GLS2: variants seen among roughly 807,000 people sequenced by gnomAD.
The protein encoded by GLS2 is glutaminase 2.
A neutral mutation model predicts 79.0 loss-of-function variants in GLS2; 52 were observed. The ratio of observed to expected loss-of-function variants is 0.66; its 90% CI spans 0.53 to 0.83. The LOEUF is 0.83. Among genes scored for constraint, GLS2 ranks in the 40% least tolerant of loss-of-function variants. GLS2 has a pLI of 0.00. For missense variants in GLS2, 561 were observed against 764.8 expected (o/e 0.73, Z 3.14); for synonymous variants, 238 against 280.8 (o/e 0.85, Z 1.52).
At position 56,488,027 on chromosome 12, in the gene GLS2, A is replaced by T; in HGVS notation, c.92T>A (p.Leu31His). ...GTGGTGCCGGACGCCCCCGCCAAGGAGGGGGCTCCGGCTCGGGTGACCCCA... is the reference window on the plus strand; with the variant it reads ...GTGGTGCCGGACGCCCCCGCCAAGGTGGGGGCTCCGGCTCGGGTGACCCCA... ...GGWGHPSRSP[L>H]LGGGVRHHLS... is the part of the protein sequence containing the mutation. The change falls in exon 1 of 18, where the codon CTC becomes CAC. Residue 31 changes from leucine (L) to histidine (H), a missense_variant. Around this residue, in one of 4 missense-constraint regions of GLS2, gnomAD observed 161 missense variants for 167.8 expected, o/e 0.96. Transcript: ENST00000311966. The T allele has an allele frequency of 6.3e-7, 1 of 1,595,358 alleles. No homozygotes were observed.
intron 9 of GLS2, 180 bp downstream of exon 9, chr12:56,475,444 C>G: frequency 1.4e-6 from 1 of 720,542 alleles, no homozygotes; most frequent in Non-Finnish European, 2.3e-6. Flanking sequence ...AGAAATGGAA[C>G]AAATTATTTT....
rs780275885 is a variant in GLS2 at position 56,479,795 on chromosome 12, C to A, written c.389G>T (p.Arg130Leu). The change falls in exon 3 of 18, where the codon CGA (arginine) becomes CTA (leucine). Residue 130 changes from arginine to leucine, a missense_variant. Arg to Leu is a moderately radical substitution (Grantham distance 102). This residue lies in a region of GLS2 where 43 missense variants were observed against 92.8 expected (regional missense o/e 0.46). Transcript: ENST00000311966. ...GGGCCCTCACTTTCGGAAGAGATCTCGGTCCAAGAGGCCACCACTACTGGA... is the reference window on the plus strand; with the variant it reads ...GGGCCCTCACTTTCGGAAGAGATCTAGGTCCAAGAGGCCACCACTACTGGA... ...QESSSGGLLD[R>L]DLFRKCVSSN... 1.2e-6 allele frequency: 2 copies of A among 1,602,074 alleles called. No homozygotes were observed. The highest frequency in any genetic ancestry group is 2.2e-5 in the South Asian group (2 of 90,354).
chr12:56,480,689 CTCT>C (rs567129309), intron 1 of GLS2, among the ~76,000 whole-genome samples: 88 of 152,278 alleles, frequency 5.8e-4, no homozygotes, highest in African/African-American at 1.6e-3. Flanking sequence ...ACTTCCTTCC[CTCT>C]TCTTCTCCTC....
In GLS2 at chr12:56,471,955, AC is replaced by A. The variant is rs926274173; in HGVS notation, c.1589-120del. The A allele has an allele frequency of 3.1e-6, 4 of 1,279,106 alleles. No individual in the cohort carries two copies. The African/African-American group carries it at 5.9e-5, about 19-fold the overall frequency. 79.2% of individuals were successfully genotyped at this position (1,279,106 alleles called of 1,614,324 possible). A position where few individuals can be genotyped will look rare whatever the true frequency, so the allele number is the denominator to read the frequency against. On this transcript the variant is annotated intron_variant, in intron 16 of 17. Coordinates refer to ENST00000311966, the MANE Select transcript of GLS2 (RefSeq NM_013267.4). ...GGGAAAAGGCCTCTTCCCATTTTGT[AC>A]CCTGCAGCACTCAGTCATAGTCTAG...
At chr12:56,473,119 G>C in intron 14 of GLS2, 109 bp downstream of exon 14, 1 of 975,444 alleles carries the variant, frequency 1.0e-6, no homozygotes. Flanking sequence ...TTGATCTCCT[G>C]ACCTTGTGAT....
chr12:56,477,788 T>C, intron 6 of GLS2, 70 bp from the exon 7 acceptor site: 1 of 1,560,908 alleles, frequency 6.4e-7, no homozygotes, highest in Non-Finnish European at 8.7e-7. Context: ...GCTCACTTTG[T>C]GGGTTAGACA....
At chr12:56,472,984 G>A (rs566763201) in intron 14 of GLS2, 527 of 582,108 alleles carry the variant, frequency 9.1e-4, no homozygotes, top group Non-Finnish European at 1.4e-3. Context: ...CTGCCTCCCG[G>A]TTTCAAGCGA....
In GLS2 at chr12:56,474,835, T is replaced by C; in HGVS notation, c.1047+11A>G. 6.2e-7 allele frequency: 1 copy of C among 1,612,580 alleles called. No individual in the cohort carries two copies. Among genetic ancestry groups the C allele is most frequent in the Non-Finnish European group, 8.5e-7 (1 of 1,179,454 alleles). Reference sequence around the variant, plus strand: ...GTCCTGTTCCCTCGGCCCTGAGCAGTGTTTTCTTACCTGGAAGTAGAGATC... The same window carrying C: ...GTCCTGTTCCCTCGGCCCTGAGCAGCGTTTTCTTACCTGGAAGTAGAGATC... On this transcript the variant is annotated intron_variant, in intron 11 of 17. Transcript: ENST00000311966.
intron 6 of GLS2, 46 bp from the exon 7 acceptor site, chr12:56,477,764 C>T (rs1869951446): frequency 6.3e-7 from 1 of 1,585,108 alleles, no homozygotes; most frequent in Admixed American, 1.8e-5. Context: ...TGAACAAAGC[C>T]TCCCTGACAG....
At position 56,486,802 on chromosome 12, in the gene GLS2, G is replaced by C. The variant is rs377396532; in HGVS notation, c.182+1135C>G. Among the ~76,000 whole-genome samples, 36 of 152,354 alleles carry C rather than the reference G, an allele frequency of 2.4e-4. No homozygotes were observed. The East Asian group carries it at 5.8e-3, about 24-fold the overall frequency. The stretch of plus-strand genomic sequence containing the variant: ...TTGAACCCAGGAGGTGGAGATTGCA[G>C]TGAGTCGAGATGGTGCCACTGCACT... On this transcript the variant is annotated intron_variant, in intron 1 of 17. Transcript: ENST00000311966.
At position 56,472,251 on chromosome 12, in the gene GLS2, G is replaced by C. The variant is rs549204905; in HGVS notation, c.1512-56C>G. ...CCTAGATCAGACTGGAATCACAGGT[G>C]TTCTTTGTGAACTGGTGTCAGACTG... is the stretch of plus-strand genomic sequence containing the variant. On this transcript the variant is annotated intron_variant, in intron 15 of 17. Coordinates refer to ENST00000311966, the MANE Select transcript of GLS2 (RefSeq NM_013267.4). 9.3e-6 allele frequency: 14 copies of C among 1,508,006 alleles called. No homozygotes were observed. The Admixed American group carries it at 1.0e-4, about 11-fold the overall frequency. The allele number at this position is 1,508,006 out of a possible 1,614,324, so 93.4% of individuals were successfully genotyped here. A position where few individuals can be genotyped will look rare whatever the true frequency, so the allele number is the denominator to read the frequency against.
Position 56,474,645 on chromosome 12 carries a change from T to C in GLS2, c.1123A>G (p.Ile375Val). The C allele has an allele frequency of 6.2e-7, 1 of 1,614,178 alleles. No individual in the cohort carries two copies. The highest frequency in any genetic ancestry group is 1.3e-5 in the African/African-American group (1 of 75,058). ...ATLANGGICP[I>V]TGESVLSAEA... is the part of the protein sequence containing the mutation. ...GCACTCAGCACACTCTCGCCTGTGA[T>C]GGGGCAGATCCCACCGTTGGCGAGG... Residue 375 changes from isoleucine to valine, a missense_variant, in exon 12 of 18, where the codon ATC (isoleucine) becomes GTC (valine). Ile to Val is a conservative substitution (Grantham distance 29, BLOSUM62 3). This residue lies in a region of GLS2 where 221 missense variants were observed against 275.6 expected (regional missense o/e 0.80). Coordinates refer to ENST00000311966, the MANE Select transcript of GLS2 (RefSeq NM_013267.4).
At chr12:56,472,568 A>G (rs1175430498) in intron 15 of GLS2, 122 bp downstream of exon 15, 7 of 851,500 alleles carry the variant, frequency 8.2e-6, no homozygotes, top group South Asian at 3.2e-5. Flanking sequence ...TTTCATTTAA[A>G]TGCAATCTAT....
intron 12 of GLS2, 152 bp from the exon 13 acceptor site, chr12:56,473,746 TC>T: frequency 1.2e-6 from 1 of 826,944 alleles, no homozygotes; most frequent in Admixed American, 3.4e-5. Context: ...CTTTTATTAC[TC>T]CTGTCCTTTC....
rs1869523916 is a variant in GLS2, at chr12:56,473,735, T to G, written c.1225-141A>C. On this transcript the variant is annotated intron_variant, in intron 12 of 17. Coordinates refer to ENST00000311966, the MANE Select transcript of GLS2 (RefSeq NM_013267.4). ...CAACCTTTTGGCTTGTTAATTAGCT[T>G]CTTTTATTACTCCTGTCCTTTCCTT... The G allele has an allele frequency of 5.0e-6, 5 of 997,386 alleles. No homozygotes were observed. The South Asian group carries it at 8.2e-5, about 16-fold the overall frequency. The allele number at this position is 997,386 out of a possible 1,614,324, so 61.8% of individuals were successfully genotyped here. A position where few individuals can be genotyped will look rare whatever the true frequency, so the allele number is the denominator to read the frequency against.
chr12:56,484,392 C>T (rs979798667), intron 1 of GLS2, among the ~76,000 whole-genome samples: 1 of 152,070 alleles, frequency 6.6e-6, no homozygotes, highest in African/African-American at 2.4e-5. Context: ...GAATTTTGAA[C>T]CATATGGAAT....
rs1350353911 is a variant in GLS2, at chr12:56,471,306, C to T, written c.*181G>A. 3.2e-6 allele frequency: 2 copies of T among 633,076 alleles called. No individual in the cohort carries two copies. Among genetic ancestry groups the T allele is most frequent in the African/African-American group, 3.7e-5 (2 of 54,484 alleles). The allele number at this position is 633,076 out of a possible 1,614,324, so 39.2% of individuals were successfully genotyped here. A position where few individuals can be genotyped will look rare whatever the true frequency, so the allele number is the denominator to read the frequency against. On this transcript the variant is annotated 3_prime_UTR_variant, in exon 18 of 18. Coordinates refer to ENST00000311966, the MANE Select transcript of GLS2 (RefSeq NM_013267.4). The stretch of plus-strand genomic sequence containing the variant: ...GTGTCCTCTGAGGCCCTTCTCTGTA[C>T]TCTGTCTGCTGAGGGAATGGGGTAT...
In GLS2 at chr12:56,475,649, C is replaced by A. The variant is rs866631658; in HGVS notation, c.904G>T (p.Glu302Ter). The A allele has an allele frequency of 3.7e-6, 6 of 1,614,158 alleles. No homozygotes were observed. The highest frequency in any genetic ancestry group is 2.2e-5 in the East Asian group (1 of 44,880). The change falls in exon 9 of 18, where the codon GAA becomes TAA. Residue 302 changes from glutamate (E) to a stop codon, truncating the protein, a stop_gained. Transcript: ENST00000311966. LOFTEE classifies it high-confidence loss of function. ...GTGGCATTGCTGAAACCCATGTATTCATTCCCAGCCATTTTGTTGAGATAC... is the reference window on the plus strand; with the variant it reads ...GTGGCATTGCTGAAACCCATGTATTAATTCCCAGCCATTTTGTTGAGATAC... ...LQYLNKMAGN[E>*]YMGFSNATFQ...
chr12:56,480,425 T>C (rs772721679), intron 1 of GLS2, 38 bp from the exon 2 acceptor site: 20 of 1,493,630 alleles, frequency 1.3e-5, no homozygotes, highest in Non-Finnish European at 1.7e-5. Flanking sequence ...AAGTGGGGCC[T>C]GAGAACTGCT....
Sources: allele counts gnomAD v4.1 joint callset (sites outside exome capture counted in the v4.1 genomes callset), GRCh38; gene constraint gnomAD v4.1.1; regional missense constraint gnomAD v4.1.1; transcripts MANE v1.5; gene names NCBI Gene and HGNC (gene_info 2026-07-23, HGNC 2026-07-21).